The following RHOBTB2 variants were observed in gnomAD, a reference collection of about 807,000 sequenced individuals.
RHOBTB2 encodes the protein Rho related BTB domain containing 2.
RHOBTB2 carries 39 observed loss-of-function variants against 66.5 expected under a neutral mutation model. The observed-to-expected ratio is 0.59, with a 90% CI of 0.45 to 0.77. The LOEUF (loss-of-function observed/expected upper bound fraction) is 0.77, where lower values mean the gene tolerates loss of function less well. Among genes scored for constraint, RHOBTB2 ranks in the 30% least tolerant of loss-of-function variants. RHOBTB2 has a pLI of 0.00. For missense variants in RHOBTB2, 755 were observed against 999.1 expected, an observed-to-expected ratio of 0.76 and a Z score of 3.29; for synonymous variants, 390 against 395.0, an observed-to-expected ratio of 0.99 and a Z score of 0.15.
intron 8 of RHOBTB2, 127 bp downstream of exon 8, chr8:23,014,905 A>G: frequency 1.3e-6 from 1 of 749,582 alleles, no homozygotes; most frequent in Non-Finnish European, 2.3e-6. Context: ...GGGCTCTTTG[A>G]CTGCGCGTAG....
At chr8:22,997,463 T>C (rs1214093028), upstream of RHOBTB2, among the ~76,000 whole-genome samples, 3 of 152,140 alleles carry the variant, frequency 2.0e-5, no homozygotes, top group African/African-American at 7.2e-5. Context: ...GGGCGGGGGC[T>C]GTGGGGGTGC....
Position 23,018,964 on chromosome 8 carries a change from C to T in RHOBTB2, c.*1495C>T, listed in dbSNP as rs1811392733. The T allele has an allele frequency of 6.6e-6, 1 of 152,402 alleles. No individual in the cohort carries two copies. The highest frequency in any genetic ancestry group is 1.5e-5 in the Non-Finnish European group (1 of 68,130). 9.4% of individuals were successfully genotyped at this position (152,402 alleles called of 1,614,324 possible). Reference sequence around the variant, plus strand: ...GGGATTGAAACTAGCTCCCAGCCCCCATGGGGCAGCAGCTGGGCCACAATT... The same window carrying T: ...GGGATTGAAACTAGCTCCCAGCCCCTATGGGGCAGCAGCTGGGCCACAATT... On this transcript the variant is annotated 3_prime_UTR_variant, in exon 10 of 10. Transcript: ENST00000251822.
upstream of RHOBTB2, chr8:22,999,164 C>A (rs927581894): frequency 6.6e-6 from 1 of 152,214 alleles, no homozygotes; most frequent in African/African-American, 2.4e-5. Flanking sequence ...CCCCGCCCCC[C>A]CGACTGCCCC....
chr8:22,995,943 G>A (rs1416909902), upstream of RHOBTB2: 4 of 1,488,772 alleles, frequency 2.7e-6, no homozygotes, highest in African/African-American at 4.2e-5. Context: ...GAAGGTGCAG[G>A]TTGGAGGATG....
At chr8:23,000,409 G>A (rs550785315) in intron 1 of RHOBTB2, among the ~76,000 whole-genome samples, 3 of 152,146 alleles carry the variant, frequency 2.0e-5, no homozygotes, top group Admixed American at 6.5e-5. Flanking sequence ...AAGGAAAAAC[G>A]GTCCAGAGTG....
At chr8:22,962,485 G>T in the RHOBTB2 span, among the ~76,000 whole-genome samples, 2 of 152,144 alleles carry the variant, frequency 1.3e-5, no homozygotes, top group Non-Finnish European at 2.9e-5. Flanking sequence ...AGAAGATGTT[G>T]CTAAACTTTG....
the RHOBTB2 span, among the ~76,000 whole-genome samples, chr8:22,957,762 G>C: frequency 6.6e-6 from 1 of 152,156 alleles, no homozygotes. Flanking sequence ...GTAAGAGTAC[G>C]TTCATTTACA....
At chr8:22,995,738 C>A, upstream of RHOBTB2, 1 of 1,031,856 alleles carries the variant, frequency 9.7e-7, no homozygotes, top group Non-Finnish European at 1.5e-6. Flanking sequence ...TGGTTCTGAA[C>A]TTTGCCCCAG....
chr8:22,980,688 A>C, the RHOBTB2 span, among the ~76,000 whole-genome samples: 2 of 152,248 alleles, frequency 1.3e-5, no homozygotes, highest in African/African-American at 4.8e-5. Flanking sequence ...AGCTGTCTTC[A>C]AAGTGAAATT....
upstream of RHOBTB2, among the ~76,000 whole-genome samples, chr8:22,986,921 G>C (rs1257106870): frequency 6.6e-6 from 1 of 152,236 alleles, no homozygotes; most frequent in African/African-American, 2.4e-5. Context: ...CCTGTGTGCA[G>C]GTGAGCAGAA....
upstream of RHOBTB2, among the ~76,000 whole-genome samples, chr8:22,996,290 G>T (rs374269316): frequency 7.9e-5 from 12 of 152,210 alleles, no homozygotes; most frequent in East Asian, 1.5e-3. Context: ...GCAGGGGCAG[G>T]AGATTGTAGA....
Position 23,018,525 on chromosome 8 carries a change from C to T in RHOBTB2, c.*1056C>T, listed in dbSNP as rs1811369983. ...TAGGTTGCAGAATCGACTCCAATGC[C>T]TTTCAGGAAAGGACTCGGCACTTCT... On this transcript the variant is annotated 3_prime_UTR_variant, in exon 10 of 10. Coordinates refer to ENST00000251822, the MANE Select transcript of RHOBTB2 (RefSeq NM_015178.3). 1 of 152,336 alleles carries T rather than the reference C, an allele frequency of 6.6e-6. No homozygotes were observed. Among genetic ancestry groups the T allele is most frequent in the African/African-American group, 2.4e-5 (1 of 41,436 alleles). 9.4% of individuals were successfully genotyped at this position (152,336 alleles called of 1,614,324 possible). A position where few individuals can be genotyped will look rare whatever the true frequency, so the allele number is the denominator to read the frequency against.
chr8:22,974,286 C>T, the RHOBTB2 span, among the ~76,000 whole-genome samples: 1 of 152,246 alleles, frequency 6.6e-6, no homozygotes, highest in African/African-American at 2.4e-5. Context: ...CCGTCACCCA[C>T]ACCTCTTCCC....
In RHOBTB2 at chr8:23,006,557, G is replaced by C; in HGVS notation, c.483-171G>C. On this transcript the variant is annotated intron_variant, in intron 4 of 9. Transcript: ENST00000251822. This position sits in a 1 kb window ranked among gnomAD's most constrained non-coding sequence, Gnocchi z 6.1. ...AGGGAAAGCTTTCTGGAAGAAAAAG[G>C]GCTTGGAGTGGACCTTGAAGGAGCT... 1.5e-6 allele frequency: 1 copy of C among 662,560 alleles called. No individual in the cohort carries two copies. Among genetic ancestry groups the C allele is most frequent in the Non-Finnish European group, 2.6e-6 (1 of 385,884 alleles). The allele number at this position is 662,560 out of a possible 1,614,324, so 41.0% of individuals were successfully genotyped here.
At chr8:23,011,823 T>C (rs967540949) in intron 7 of RHOBTB2, among the ~76,000 whole-genome samples, 2 of 152,056 alleles carry the variant, frequency 1.3e-5, no homozygotes, top group African/African-American at 4.8e-5. Flanking sequence ...ACATACTGAG[T>C]TGAGATTCAG....
At chr8:22,956,984 GAGAA>G in the RHOBTB2 span, among the ~76,000 whole-genome samples, 1 of 152,134 alleles carries the variant, frequency 6.6e-6, no homozygotes, top group Admixed American at 6.5e-5. Context: ...ATAGCAGTGT[GAGAA>G]AGAATTAATA....
At chr8:22,967,552 G>A in the RHOBTB2 span, among the ~76,000 whole-genome samples, 5 of 138,638 alleles carry the variant, frequency 3.6e-5, no homozygotes, top group East Asian at 2.2e-4. Context: ...GCAGAGAGCC[G>A]AGATCGTGCC....
chr8:23,004,668 G>A lies in RHOBTB2; in HGVS notation c.192+42G>A, dbSNP rs184446349. 73 of 1,562,100 alleles carry A rather than the reference G, an allele frequency of 4.7e-5. 1 individual carries two copies. The Middle Eastern group carries it at 7.0e-4, about 15-fold the overall frequency. Reference sequence around the variant, plus strand: ...ACCTGGCTGGGGGTCCACGCCATGAGTCTGGGCTTGGGGGCTTCCTGAGGC... The same window carrying A: ...ACCTGGCTGGGGGTCCACGCCATGAATCTGGGCTTGGGGGCTTCCTGAGGC... On this transcript the variant is annotated intron_variant, in intron 2 of 9. Coordinates refer to ENST00000251822, the MANE Select transcript of RHOBTB2 (RefSeq NM_015178.3). This position sits in a 1 kb window ranked among gnomAD's most constrained non-coding sequence, Gnocchi z 6.4.
chr8:23,004,825 G>GGTTGTGT lies in RHOBTB2; in HGVS notation c.192+200_192+206dup. 1.6e-6 allele frequency: 1 copy of GGTTGTGT among 608,178 alleles called. No individual in the cohort carries two copies. The highest frequency in any genetic ancestry group is 2.9e-6 in the Non-Finnish European group (1 of 344,844). 37.7% of individuals were successfully genotyped at this position (608,178 alleles called of 1,614,324 possible). A position where few individuals can be genotyped will look rare whatever the true frequency, so the allele number is the denominator to read the frequency against. Reference sequence around the variant, plus strand: ...CTGCCCCAGGGAAGTGTCTCTGGCTGGTTGTGTTTTCAGGGACTGAGCTGG... The same window carrying GGTTGTGT: ...CTGCCCCAGGGAAGTGTCTCTGGCTGGTTGTGTGTTGTGTTTTCAGGGACTGAGCTGG... On this transcript the variant is annotated intron_variant, in intron 2 of 9. Transcript: ENST00000251822. The surrounding 1 kb of genome is among the most constrained non-coding windows in gnomAD (Gnocchi z 6.4).
Sources: gnomAD v4.1 joint callset for allele counts (sites outside exome capture counted in the v4.1 genomes callset) on GRCh38, gnomAD v4.1.1 for gene constraint, Gnocchi (gnomAD v3.1) non-coding constraint, MANE v1.5 for transcripts, NCBI Gene and HGNC (gene_info 2026-07-23, HGNC 2026-07-21) for gene names.